MARCHF1: variants seen among roughly 807,000 people sequenced by gnomAD.
MARCHF1 encodes E3 ubiquitin-protein ligase MARCHF1.
Under a neutral mutation model 54.2 loss-of-function variants are expected in MARCHF1, and 40 were observed. The ratio of observed to expected loss-of-function variants is 0.74; its 90% CI spans 0.57 to 0.96. The LOEUF is 0.96. Ranked by LOEUF, MARCHF1 falls within the 40% of genes least tolerant of loss-of-function variation. The pLI is 0.00. For synonymous variants in MARCHF1, 236 were observed against 236.3 expected, an observed-to-expected ratio of 1.00 and a Z score of 0.01; for missense variants, 586 against 656.5, an observed-to-expected ratio of 0.89 and a Z score of 1.17.
intron 2 of MARCHF1, among the ~76,000 whole-genome samples, chr4:164,109,931 A>G (rs1755798162): frequency 6.7e-6 from 1 of 149,870 alleles, no homozygotes; most frequent in African/African-American, 2.4e-5. Context: ...AAAAAAAAAA[A>G]AAAAAGAAAA....
Position 164,340,405 on chromosome 4 carries a change from T to TTATATATATATATATATATATATATATA in MARCHF1, c.-323+43464_-323+43465insTATATATATATATATATATATATATATA, listed in dbSNP as rs1554002572. 1.0e-3 allele frequency among the ~76,000 whole-genome samples: 96 copies of TTATATATATATATATATATATATATATA among 95,592 alleles called. 1 individual carries two copies. The highest frequency in any genetic ancestry group is 1.7e-3 in the Non-Finnish European group (79 of 45,896). 62.7% of individuals were successfully genotyped at this position (95,592 alleles called of 152,430 possible). ...ACAGCACATGCCACCAGGCCTTGAT[T>TTATATATATATATATATATATATATATA]TATATATAGATATATATATATATAT... On this transcript the variant is annotated intron_variant, in intron 1 of 9. Transcript: ENST00000514618.
intron 2 of MARCHF1, among the ~76,000 whole-genome samples, chr4:164,052,208 A>T (rs1282013168): frequency 1.3e-5 from 2 of 151,218 alleles, no homozygotes; most frequent in African/African-American, 4.9e-5. Flanking sequence ...GTTAGAGATT[A>T]TGCCTCTCAA....
chr4:164,173,515 T>C (rs1197416786), intron 1 of MARCHF1, among the ~76,000 whole-genome samples: 4 of 152,224 alleles, frequency 2.6e-5, no homozygotes, highest in African/African-American at 7.2e-5. Flanking sequence ...AAATCCCATG[T>C]TGAAATGTAA....
chr4:164,364,299 A>C (rs926566341), intron 1 of MARCHF1, among the ~76,000 whole-genome samples: 1 of 152,120 alleles, frequency 6.6e-6, no homozygotes, highest in Non-Finnish European at 1.5e-5. Context: ...AAAGGACTAA[A>C]GGCTCCTACC....
At chr4:164,000,835 T>C (rs1230408838) in intron 2 of MARCHF1, among the ~76,000 whole-genome samples, 1 of 151,708 alleles carries the variant, frequency 6.6e-6, no homozygotes, top group Non-Finnish European at 1.5e-5. Context: ...TGTTTACTAT[T>C]ATATGGAATA....
chr4:163,716,479 A>G (rs1745261335), intron 4 of MARCHF1, among the ~76,000 whole-genome samples: 1 of 152,240 alleles, frequency 6.6e-6, no homozygotes, highest in South Asian at 2.1e-4. Flanking sequence ...CGACAAATTC[A>G]TTATTCCTAT....
intron 5 of MARCHF1, among the ~76,000 whole-genome samples, chr4:163,691,927 T>C (rs1744470684): frequency 6.6e-6 from 1 of 152,148 alleles, no homozygotes; most frequent in African/African-American, 2.4e-5. Context: ...AAAGTCTATA[T>C]ACTCTCCTAC....
intron 1 of MARCHF1, chr4:164,197,580 C>T: frequency 6.2e-7 from 1 of 1,613,172 alleles, no homozygotes; most frequent in South Asian, 1.1e-5. Context: ...TTAAGAATTC[C>T]AGTTCTTCAA....
At chr4:163,811,873 T>G (rs939907038) in intron 4 of MARCHF1, among the ~76,000 whole-genome samples, 1 of 152,184 alleles carries the variant, frequency 6.6e-6, no homozygotes, top group Non-Finnish European at 1.5e-5. Context: ...GATGTCTTGA[T>G]AGCCAGTTAA....
intron 1 of MARCHF1, among the ~76,000 whole-genome samples, chr4:164,221,395 A>G (rs1732109483): frequency 6.6e-6 from 1 of 152,084 alleles, no homozygotes; most frequent in African/African-American, 2.4e-5. Context: ...ACATACTACA[A>G]TAGTGGAAGA....
intron 1 of MARCHF1, among the ~76,000 whole-genome samples, chr4:164,156,775 C>T (rs944853897): frequency 1.3e-5 from 2 of 152,060 alleles, no homozygotes; most frequent in Non-Finnish European, 2.9e-5. Context: ...ACATATATCC[C>T]ATCCTAATTC....
At chr4:163,557,651 C>A (rs899398971) in intron 8 of MARCHF1, among the ~76,000 whole-genome samples, 1 of 152,160 alleles carries the variant, frequency 6.6e-6, no homozygotes, top group African/African-American at 2.4e-5. Context: ...TCTTTAATAG[C>A]CTGTCGTTTT....
At chr4:163,561,354 T>C (rs550030309) in intron 8 of MARCHF1, among the ~76,000 whole-genome samples, 4 of 152,318 alleles carry the variant, frequency 2.6e-5, no homozygotes, top group East Asian at 3.9e-4. Context: ...TTCTCTCTTA[T>C]AGCTAGTTCT....
chr4:164,259,655 C>T (rs564065602), intron 1 of MARCHF1, among the ~76,000 whole-genome samples: 1 of 150,144 alleles, frequency 6.7e-6, no homozygotes, highest in Non-Finnish European at 1.5e-5. Flanking sequence ...GCAGTTTATA[C>T]TATTAAGCTG....
chr4:163,964,039 A>G (rs1307704786), intron 3 of MARCHF1, among the ~76,000 whole-genome samples: 1 of 152,012 alleles, frequency 6.6e-6, no homozygotes, highest in Non-Finnish European at 1.5e-5. Flanking sequence ...TTGGCAATCA[A>G]TAAGCCAAAG....
At chr4:163,920,311 A>G (rs10007766) in intron 3 of MARCHF1, among the ~76,000 whole-genome samples, 34,354 of 152,066 alleles carry the variant, frequency 0.23, 4,874 homozygotes, top group African/African-American at 0.4. Flanking sequence ...ATAACCATGA[A>G]ATTGTTCACC....
At chr4:164,354,935 T>C (rs1345752320) in intron 1 of MARCHF1, among the ~76,000 whole-genome samples, 1 of 135,490 alleles carries the variant, frequency 7.4e-6, no homozygotes, top group Admixed American at 7.6e-5. Context: ...ATAAAATCAA[T>C]GTACAAAAAT....
intron 1 of MARCHF1, among the ~76,000 whole-genome samples, chr4:164,309,367 G>T (rs1469523037): frequency 2.0e-5 from 3 of 152,002 alleles, no homozygotes; most frequent in Non-Finnish European, 4.4e-5. Flanking sequence ...TTCAGGAAGA[G>T]GCAATGATAA....
intron 1 of MARCHF1, among the ~76,000 whole-genome samples, chr4:164,284,592 T>A (rs1026874057): frequency 1.3e-5 from 2 of 151,092 alleles, no homozygotes; most frequent in Non-Finnish European, 2.9e-5. Flanking sequence ...AAATAGCTCC[T>A]ACAGTCTTAT....
Sources: gnomAD v4.1 joint callset for allele counts (sites outside exome capture counted in the v4.1 genomes callset) on GRCh38, gnomAD v4.1.1 for gene constraint, MANE v1.5 for transcripts, NCBI Gene and HGNC (gene_info 2026-07-23, HGNC 2026-07-21) for gene names.